MTUS2: variants seen among roughly 807,000 people sequenced by gnomAD.
MTUS2 encodes the protein microtubule-associated tumor suppressor candidate 2.
A neutral mutation model predicts 114.1 loss-of-function variants in MTUS2; 40 were observed. That is an observed-to-expected ratio of 0.35 (90% confidence interval 0.27 to 0.46). The LOEUF (loss-of-function observed/expected upper bound fraction) is 0.46. MTUS2 is among the 20% of genes least tolerant of loss of function. MTUS2 has a pLI of 1.00. For synonymous variants in MTUS2, 688 were observed against 672.0 expected (o/e 1.02, Z -0.37); for missense variants, 1,679 against 1,705.4 (o/e 0.98, Z 0.27).
At chr13:28,974,850 TAAAG>T (rs1466707089) in intron 2 of MTUS2, among the ~76,000 whole-genome samples, 4 of 151,946 alleles carry the variant, frequency 2.6e-5, no homozygotes, top group Non-Finnish European at 4.4e-5. Context: ...TCATGATTTA[TAAAG>T]AAAGCTCAGC....
chr13:28,859,446 G>A (rs1349798726), intron 2 of MTUS2, among the ~76,000 whole-genome samples: 4 of 152,146 alleles, frequency 2.6e-5, no homozygotes, highest in African/African-American at 4.8e-5. Context: ...ATCCCCATTC[G>A]TAAGCTGGCC....
chr13:29,485,476 C>T (rs1345023906), intron 10 of MTUS2, among the ~76,000 whole-genome samples: 1 of 152,176 alleles, frequency 6.6e-6, no homozygotes, highest in East Asian at 1.9e-4. Flanking sequence ...TTATTGTGTT[C>T]AGATTTTTTG....
chr13:29,085,271 G>A (rs533525720), intron 4 of MTUS2, among the ~76,000 whole-genome samples: 41 of 152,230 alleles, frequency 2.7e-4, no homozygotes, highest in Non-Finnish European at 4.6e-4. Flanking sequence ...TTTAGTAACT[G>A]TTATTTATTT....
intron 5 of MTUS2, among the ~76,000 whole-genome samples, chr13:29,162,935 A>C (rs1480854663): frequency 1.3e-5 from 2 of 152,088 alleles, no homozygotes; most frequent in East Asian, 1.9e-4. Flanking sequence ...CCCCAAATGC[A>C]CTCTGAAGGT....
At chr13:29,047,124 G>A (rs1593418855) in intron 4 of MTUS2, among the ~76,000 whole-genome samples, 1 of 152,282 alleles carries the variant, frequency 6.6e-6, no homozygotes. Flanking sequence ...ATTTCCTTAG[G>A]ATTTTGAGCA....
At chr13:28,902,360 T>A (rs988508023) in intron 2 of MTUS2, among the ~76,000 whole-genome samples, 2 of 152,184 alleles carry the variant, frequency 1.3e-5, no homozygotes, top group Admixed American at 1.3e-4. Context: ...CTATGTTGAA[T>A]AAAAGTGGTG....
intron 4 of MTUS2, among the ~76,000 whole-genome samples, chr13:29,093,433 C>T (rs1198465137): frequency 6.6e-6 from 1 of 152,150 alleles, no homozygotes; most frequent in Non-Finnish European, 1.5e-5. Context: ...CAGAGCAACA[C>T]TCCATCTCAA....
intron 5 of MTUS2, among the ~76,000 whole-genome samples, chr13:29,165,818 G>A (rs1893293298): frequency 6.6e-6 from 1 of 152,116 alleles, no homozygotes; most frequent in Admixed American, 6.5e-5. Context: ...TACTGTGGAT[G>A]GTGGGGAATA....
chr13:29,081,607 G>C (rs1327777809), intron 4 of MTUS2, among the ~76,000 whole-genome samples: 3 of 142,174 alleles, frequency 2.1e-5, no homozygotes, highest in Non-Finnish European at 4.6e-5. Context: ...ACCATTCAAA[G>C]TAATGGCAAA....
At chr13:28,994,401 C>G (rs936283453) in intron 2 of MTUS2, among the ~76,000 whole-genome samples, 1 of 152,126 alleles carries the variant, frequency 6.6e-6, no homozygotes, top group African/African-American at 2.4e-5. Flanking sequence ...ATTTATAATC[C>G]TTTGGATATA....
At chr13:29,118,325 T>C (rs146103912) in intron 5 of MTUS2, among the ~76,000 whole-genome samples, 4 of 152,026 alleles carry the variant, frequency 2.6e-5, no homozygotes, top group Non-Finnish European at 5.9e-5. Flanking sequence ...ATGATTCTTA[T>C]TACTCTTCCA....
At chr13:29,172,704 G>T (rs1202546331) in intron 5 of MTUS2, among the ~76,000 whole-genome samples, 1 of 152,168 alleles carries the variant, frequency 6.6e-6, no homozygotes, top group Non-Finnish European at 1.5e-5. Flanking sequence ...TAAAAATTGA[G>T]TATCTACCAA....
At chr13:29,437,194 T>G (rs1877478182) in intron 8 of MTUS2, among the ~76,000 whole-genome samples, 1 of 152,202 alleles carries the variant, frequency 6.6e-6, no homozygotes, top group Non-Finnish European at 1.5e-5. Context: ...TGATTTGTTG[T>G]TTTTGTTATT....
At chr13:28,876,791 G>A (rs1284543300) in intron 2 of MTUS2, among the ~76,000 whole-genome samples, 1 of 152,080 alleles carries the variant, frequency 6.6e-6, no homozygotes, top group Non-Finnish European at 1.5e-5. Context: ...AAAACACGCT[G>A]GGTAAATGAT....
chr13:28,849,485 C>T (rs538516860), intron 2 of MTUS2, among the ~76,000 whole-genome samples: 2 of 152,208 alleles, frequency 1.3e-5, no homozygotes, highest in Non-Finnish European at 2.9e-5. Flanking sequence ...AAACTCAACA[C>T]AAACCTCTAA....
chr13:29,196,911 G>C (rs958453365), intron 5 of MTUS2, among the ~76,000 whole-genome samples: 1 of 152,176 alleles, frequency 6.6e-6, no homozygotes, highest in African/African-American at 2.4e-5. Context: ...CTATTAACAT[G>C]AGTCTACAAA....
chr13:29,250,826 G>C (rs190679435), intron 5 of MTUS2, among the ~76,000 whole-genome samples: 1 of 152,150 alleles, frequency 6.6e-6, no homozygotes, highest in Admixed American at 6.5e-5. Flanking sequence ...TTTATTACCC[G>C]TAAATTTCAA....
chr13:29,065,865 G>A (rs1888640822), intron 4 of MTUS2, among the ~76,000 whole-genome samples: 1 of 152,130 alleles, frequency 6.6e-6, no homozygotes, highest in Non-Finnish European at 1.5e-5. Flanking sequence ...CTGAATGAAA[G>A]CTCTTAGAAT....
chr13:29,466,876 CAAAAAAA>C (rs11296600), intron 9 of MTUS2, among the ~76,000 whole-genome samples: 1 of 87,616 alleles, frequency 1.1e-5, no homozygotes, highest in South Asian at 3.8e-4. Context: ...GACCTCATCT[CAAAAAAA>C]AAAAAAAAAA....
Sources: gnomAD v4.1 joint callset for allele counts (sites outside exome capture counted in the v4.1 genomes callset) on GRCh38, gnomAD v4.1.1 for gene constraint, MANE v1.5 for transcripts, NCBI Gene and HGNC (gene_info 2026-07-23, HGNC 2026-07-21) for gene names.